Variants in PDE4D observed in about 807,000 individuals in gnomAD.
PDE4D encodes 3',5'-cyclic-AMP phosphodiesterase 4D.
A neutral mutation model predicts 87.4 loss-of-function variants in PDE4D; 24 were observed. That is an observed-to-expected ratio of 0.27 (90% CI 0.20 to 0.39). PDE4D has a LOEUF of 0.39. Ranked by LOEUF, PDE4D falls within the 10% of genes least tolerant of loss-of-function variation. PDE4D has a pLI of 1.00. For missense variants in PDE4D, 714 were observed against 1,041.0 expected (o/e 0.69, Z 4.32); for synonymous variants, 384 against 383.2 (o/e 1.00, Z -0.02).
At chr5:59,280,597 A>T (rs1765630636) in intron 1 of PDE4D, among the ~76,000 whole-genome samples, 2 of 152,102 alleles carry the variant, frequency 1.3e-5, no homozygotes, top group South Asian at 4.1e-4. Flanking sequence ...CAAATTTAAC[A>T]TTATTTTGAA....
Position 59,016,452 on chromosome 5 carries a change from G to A in PDE4D, c.921+22407C>T, listed in dbSNP as rs973723637. ...AATCTGCTGCCTCACGGTCAGTATCGTGCCCCTTACCCCAATTCTAATATG... is the reference window on the plus strand; with the variant it reads ...AATCTGCTGCCTCACGGTCAGTATCATGCCCCTTACCCCAATTCTAATATG... On this transcript the variant is annotated intron_variant, in intron 6 of 14. Coordinates refer to ENST00000340635, the MANE Select transcript of PDE4D (RefSeq NM_001104631.2). Among the ~76,000 whole-genome samples, 10 of 128,190 alleles carry A rather than the reference G, an allele frequency of 7.8e-5. No homozygotes were observed. In the South Asian group the frequency reaches 1.2e-3, roughly 16 times the overall value. 84.1% of individuals were successfully genotyped at this position (128,190 alleles called of 152,430 possible).
intron 1 of PDE4D, among the ~76,000 whole-genome samples, chr5:59,526,094 CCT>C (rs1813075978): frequency 6.6e-6 from 1 of 152,184 alleles, no homozygotes; most frequent in Admixed American, 6.5e-5. Context: ...CTTCCTGTGC[CCT>C]GTGATGCACA....
intron 1 of PDE4D, among the ~76,000 whole-genome samples, chr5:60,313,688 A>C (rs1169417897): frequency 6.6e-6 from 1 of 152,214 alleles, no homozygotes; most frequent in Non-Finnish European, 1.5e-5. Context: ...ATCCTCAACA[A>C]AATACTAGCA....
intron 1 of PDE4D, among the ~76,000 whole-genome samples, chr5:59,864,914 G>A (rs1362588532): frequency 1.3e-5 from 2 of 152,174 alleles, no homozygotes; most frequent in African/African-American, 4.8e-5. Context: ...GTAGGATGCT[G>A]ACAGGCCTGC....
chr5:60,384,332 C>G (rs1762060593), intron 1 of PDE4D, among the ~76,000 whole-genome samples: 1 of 152,146 alleles, frequency 6.6e-6, no homozygotes, highest in Admixed American at 6.6e-5. Flanking sequence ...TAAAGCAATC[C>G]CTGTCCTAGG....
At chr5:59,668,921 G>T (rs1746695397) in intron 1 of PDE4D, among the ~76,000 whole-genome samples, 10 of 59,638 alleles carry the variant, frequency 1.7e-4, no homozygotes, top group Admixed American at 1.7e-3. Flanking sequence ...AGAAGAAGAA[G>T]AAAGAAAGAA....
rs1288934226 is a variant in PDE4D at position 60,476,450 on chromosome 5, A to G, written c.-90+11492T>C. Among the ~76,000 whole-genome samples the G allele has an allele frequency of 2.6e-5, 4 of 152,160 alleles. No individual in the cohort carries two copies. In the East Asian group the frequency reaches 7.7e-4, roughly 29 times the overall value. ...CTGCCATGACTGTCATAGCCTCCCA[A>G]CTTCCACCCTTGCTCCCTATAGCCT... On this transcript the variant is annotated intron_variant, in intron 1 of 16. Coordinates refer to the PDE4D transcript ENST00000502484.
At chr5:60,502,571 A>C (rs1750136056) in intron 1 of PDE4D, among the ~76,000 whole-genome samples, 1 of 152,104 alleles carries the variant, frequency 6.6e-6, no homozygotes, top group Non-Finnish European at 1.5e-5. Context: ...GAAGCTGTAG[A>C]CCAGAGCTGT....
intron 5 of PDE4D, among the ~76,000 whole-genome samples, chr5:59,168,369 A>C (rs947397088): frequency 5.3e-5 from 8 of 152,058 alleles, no homozygotes; most frequent in Non-Finnish European, 1.0e-4. Flanking sequence ...CCTCCGAAAC[A>C]CCCCATCTGC....
chr5:59,729,709 C>T (rs1757109583), intron 1 of PDE4D, among the ~76,000 whole-genome samples: 2 of 151,760 alleles, frequency 1.3e-5, no homozygotes, highest in Admixed American at 1.3e-4. Flanking sequence ...CAATATCAGC[C>T]TGTCAATATT....
intron 1 of PDE4D, among the ~76,000 whole-genome samples, chr5:59,763,803 G>C (rs1206702065): frequency 1.3e-5 from 2 of 152,162 alleles, no homozygotes; most frequent in Non-Finnish European, 2.9e-5. Context: ...AAACAGATTA[G>C]TGAAAAGCAG....
chr5:59,718,092 G>A (rs530734338), intron 1 of PDE4D, among the ~76,000 whole-genome samples: 1 of 152,264 alleles, frequency 6.6e-6, no homozygotes, highest in South Asian at 2.1e-4. Context: ...GATTGGGCTT[G>A]GAAAACACTG....
intron 1 of PDE4D, among the ~76,000 whole-genome samples, chr5:60,324,342 T>A (rs535137934): frequency 6.6e-6 from 1 of 152,338 alleles, no homozygotes; most frequent in South Asian, 2.1e-4. Context: ...ACTAGGAGCA[T>A]CTCTGTTACA....
chr5:60,515,601 C>CTTTTTTTTTTTTTTTTT (rs954970783), intron 1 of PDE4D, among the ~76,000 whole-genome samples: 30 of 106,818 alleles, frequency 2.8e-4, no homozygotes, highest in African/African-American at 8.9e-4. Context: ...TTTTCTTTTT[C>CTTTTTTTTTTTTTTTTT]TTTTTTTTTT....
In PDE4D at chr5:58,973,839, A is replaced by AAAAT. The variant is rs1324920623; in HGVS notation, c.*821_*824dup. On this transcript the variant is annotated 3_prime_UTR_variant, in exon 15 of 15. Coordinates refer to ENST00000340635, the MANE Select transcript of PDE4D (RefSeq NM_001104631.2). ...CAACATAAAGTTGTTTTTCTCTTTT[A>AAAAT]AAATATGGAAGTCATTGGTATATAA... is the stretch of plus-strand genomic sequence containing the variant. The AAAAT allele has an allele frequency of 6.8e-6, 1 of 147,404 alleles. No homozygotes were observed. Among genetic ancestry groups the AAAAT allele is most frequent in the Non-Finnish European group, 1.5e-5 (1 of 66,092 alleles). 9.1% of individuals were successfully genotyped at this position (147,404 alleles called of 1,614,324 possible). A position where few individuals can be genotyped will look rare whatever the true frequency, so the allele number is the denominator to read the frequency against.
At chr5:59,073,507 C>CGGGGGGGGGG (rs56301552) in intron 5 of PDE4D, among the ~76,000 whole-genome samples, 8 of 38,148 alleles carry the variant, frequency 2.1e-4, no homozygotes, top group Non-Finnish European at 3.7e-4. Flanking sequence ...AAGTGGGGGG[C>CGGGGGGGGGG]GGGGGGGGCG....
At chr5:60,261,772 A>C (rs1032091349) in intron 1 of PDE4D, among the ~76,000 whole-genome samples, 1 of 152,154 alleles carries the variant, frequency 6.6e-6, no homozygotes, top group Non-Finnish European at 1.5e-5. Flanking sequence ...TCTTCAATTA[A>C]GTATTATCAG....
intron 5 of PDE4D, among the ~76,000 whole-genome samples, chr5:59,170,817 G>T (rs1782631255): frequency 6.6e-6 from 1 of 151,452 alleles, no homozygotes; most frequent in South Asian, 2.1e-4. Flanking sequence ...TTAGAATTTG[G>T]ATTGTTTTTA....
intron 2 of PDE4D, among the ~76,000 whole-genome samples, chr5:60,161,982 C>G (rs1008530111): frequency 6.6e-6 from 1 of 152,072 alleles, no homozygotes; most frequent in Non-Finnish European, 1.5e-5. Context: ...CAGACTGCTG[C>G]GTCCACCACC....
Sources: allele counts gnomAD v4.1 joint callset (sites outside exome capture counted in the v4.1 genomes callset), GRCh38; gene constraint gnomAD v4.1.1; transcripts MANE v1.5; gene names NCBI Gene and HGNC (gene_info 2026-07-23, HGNC 2026-07-21).